The following NRG1 variants were observed in gnomAD, a reference collection of about 807,000 sequenced individuals.
NRG1 encodes pro-neuregulin-1, membrane-bound isoform.
A neutral mutation model predicts 63.8 loss-of-function variants in NRG1; 18 were observed. The observed-to-expected ratio is 0.28, with a 90% CI of 0.19 to 0.42. NRG1 has a LOEUF of 0.42. NRG1 is among the 10% of genes least tolerant of loss of function. NRG1 has a pLI of 1.00. For missense variants in NRG1, 762 were observed against 814.7 expected, an observed-to-expected ratio of 0.94 and a Z score of 0.79; for synonymous variants, 302 against 301.3, an observed-to-expected ratio of 1.00 and a Z score of -0.02.
intron 1 of NRG1, among the ~76,000 whole-genome samples, chr8:31,877,883 A>T (rs1037117235): frequency 6.6e-6 from 1 of 152,206 alleles, no homozygotes; most frequent in African/African-American, 2.4e-5. Context: ...CTGGATTTTG[A>T]TGTAGGTTAG....
chr8:32,420,073 G>T (rs551670947), intron 1 of NRG1, among the ~76,000 whole-genome samples: 16 of 152,270 alleles, frequency 1.1e-4, no homozygotes, highest in Non-Finnish European at 1.9e-4. Context: ...GAGGGTCAGG[G>T]TCTAGAGAGT....
At chr8:31,739,117 T>G (rs1320088023) in intron 1 of NRG1, among the ~76,000 whole-genome samples, 1 of 152,066 alleles carries the variant, frequency 6.6e-6, no homozygotes, top group African/African-American at 2.4e-5. Context: ...CTTCCCAAAT[T>G]TACTAGTAGT....
chr8:32,040,962 C>T (rs1819930625), intron 1 of NRG1, among the ~76,000 whole-genome samples: 2 of 151,088 alleles, frequency 1.3e-5, no homozygotes, highest in South Asian at 4.2e-4. Flanking sequence ...AAATTGAATT[C>T]CCTTCTTACT....
chr8:32,541,207 A>C (rs1385972057), intron 1 of NRG1, among the ~76,000 whole-genome samples: 1 of 152,164 alleles, frequency 6.6e-6, no homozygotes, highest in Non-Finnish European at 1.5e-5. Context: ...GAAACTAAAA[A>C]TCCCTAGTTA....
chr8:32,090,022 C>G (rs2131254214), intron 1 of NRG1, among the ~76,000 whole-genome samples: 1 of 152,172 alleles, frequency 6.6e-6, no homozygotes, highest in African/African-American at 2.4e-5. Context: ...AACTCTTTTC[C>G]TGACAATTAT....
chr8:31,840,349 CTT>C (rs71992716), intron 1 of NRG1, among the ~76,000 whole-genome samples: 19,058 of 116,852 alleles, frequency 0.16, 1,669 homozygotes, highest in East Asian at 0.24. Flanking sequence ...TATTCTCTGT[CTT>C]TTTTTTTTTT....
At chr8:31,774,128 C>T (rs1176202339) in intron 1 of NRG1, among the ~76,000 whole-genome samples, 1 of 152,116 alleles carries the variant, frequency 6.6e-6, no homozygotes, top group East Asian at 1.9e-4. Context: ...TGCCACTCTC[C>T]CCTTTGCTGG....
intron 1 of NRG1, among the ~76,000 whole-genome samples, chr8:31,690,527 G>A (rs1217426161): frequency 6.6e-6 from 1 of 152,038 alleles, no homozygotes; most frequent in Non-Finnish European, 1.5e-5. Flanking sequence ...AGACGCCTTG[G>A]GCCAAGATGT....
At chr8:32,280,691 GTTTTT>G (rs1174950316) in intron 1 of NRG1, among the ~76,000 whole-genome samples, 48 of 57,650 alleles carry the variant, frequency 8.3e-4, no homozygotes, top group African/African-American at 2.4e-3. Context: ...TTTTTTTTTT[GTTTTT>G]TTTTTTTTTT....
chr8:32,648,836 C>T lies in NRG1; in HGVS notation c.502+31951C>T, dbSNP rs1854301042. 2.0e-5 allele frequency among the ~76,000 whole-genome samples: 3 copies of T among 152,162 alleles called. No homozygotes were observed. The South Asian group carries it at 6.2e-4, about 32-fold the overall frequency. ...CTGTTACCCTCTACCTCTCAGCGACCCCAAGCTGCCTGTTGTCTCTCTCTC... is the reference window on the plus strand; with the variant it reads ...CTGTTACCCTCTACCTCTCAGCGACTCCAAGCTGCCTGTTGTCTCTCTCTC... On this transcript the variant is annotated intron_variant, in intron 5 of 11. Coordinates refer to ENST00000356819, the Ensembl canonical transcript of NRG1.
chr8:31,793,343 G>T (rs1257933437), intron 1 of NRG1, among the ~76,000 whole-genome samples: 1 of 152,186 alleles, frequency 6.6e-6, no homozygotes, highest in Non-Finnish European at 1.5e-5. Flanking sequence ...TTTCAATGCT[G>T]AAAGAGAAAC....
chr8:32,069,409 T>C (rs957119048), intron 1 of NRG1, among the ~76,000 whole-genome samples: 1 of 152,242 alleles, frequency 6.6e-6, no homozygotes, highest in Admixed American at 6.5e-5. Flanking sequence ...CACAGTCTTA[T>C]GTTTGTTTTG....
At chr8:31,801,387 A>G (rs1349424052) in intron 1 of NRG1, among the ~76,000 whole-genome samples, 1 of 152,136 alleles carries the variant, frequency 6.6e-6, no homozygotes, top group Non-Finnish European at 1.5e-5. Flanking sequence ...TTCTTTTGCT[A>G]TAAATTGTCT....
chr8:32,502,820 A>G (rs1280253642), intron 1 of NRG1, among the ~76,000 whole-genome samples: 3 of 152,100 alleles, frequency 2.0e-5, no homozygotes, highest in Non-Finnish European at 4.4e-5. Context: ...TGAAGAAATA[A>G]ACAATCATAA....
At chr8:32,468,124 C>T (rs964219278) in intron 1 of NRG1, among the ~76,000 whole-genome samples, 2 of 152,126 alleles carry the variant, frequency 1.3e-5, no homozygotes, top group African/African-American at 4.8e-5. Context: ...TTGTCAGGAG[C>T]ATGACAGTTG....
At chr8:32,035,125 C>G (rs976229422) in intron 1 of NRG1, among the ~76,000 whole-genome samples, 1 of 152,066 alleles carries the variant, frequency 6.6e-6, no homozygotes, top group African/African-American at 2.4e-5. Flanking sequence ...AGCTGTGTCC[C>G]AGATATTCTG....
chr8:32,237,225 T>C (rs943446336), intron 1 of NRG1, among the ~76,000 whole-genome samples: 1 of 152,138 alleles, frequency 6.6e-6, no homozygotes, highest in South Asian at 2.1e-4. Flanking sequence ...GCTTCCCAAA[T>C]TTTCCAAGTT....
intron 1 of NRG1, among the ~76,000 whole-genome samples, chr8:31,826,894 T>G (rs1327052887): frequency 1.3e-5 from 2 of 152,362 alleles, no homozygotes; most frequent in African/African-American, 4.8e-5. Context: ...TTGTTTTGTT[T>G]TTGTTTTAGT....
At chr8:31,965,677 A>G (rs1268575691) in intron 1 of NRG1, among the ~76,000 whole-genome samples, 1 of 152,194 alleles carries the variant, frequency 6.6e-6, no homozygotes, top group Non-Finnish European at 1.5e-5. Context: ...AACAGTGTAT[A>G]AATGTTCTCT....
Sources: allele counts gnomAD v4.1 joint callset (sites outside exome capture counted in the v4.1 genomes callset), GRCh38; gene constraint gnomAD v4.1.1; transcripts MANE v1.5; gene names NCBI Gene and HGNC (gene_info 2026-07-23, HGNC 2026-07-21).